The following ACAA1 variants were observed in gnomAD, a reference collection of about 807,000 sequenced individuals.
ACAA1 encodes 3-ketoacyl-CoA thiolase, peroxisomal.
ACAA1 carries 44 observed loss-of-function variants against 48.8 expected under a neutral mutation model. That is an observed-to-expected ratio of 0.90 (90% CI 0.71 to 1.16). The LOEUF (loss-of-function observed/expected upper bound fraction) is 1.16. Ranked by LOEUF, ACAA1 falls within the 50% of genes most tolerant of loss-of-function variation. The pLI is 0.00. For missense variants in ACAA1, 512 were observed against 562.3 expected, an observed-to-expected ratio of 0.91 and a Z score of 0.90; for synonymous variants, 233 against 226.5, an observed-to-expected ratio of 1.03 and a Z score of -0.26.
chr3:38,131,838 G>C (rs2125769282), intron 4 of ACAA1, 88 bp downstream of exon 4: 1 of 1,365,622 alleles, frequency 7.3e-7, no homozygotes, highest in South Asian at 1.2e-5. Flanking sequence ...CCTCAGAAAT[G>C]GTAATTATTG....
At chr3:38,133,813 A>G in intron 3 of ACAA1, 139 bp downstream of exon 3, 1 of 796,058 alleles carries the variant, frequency 1.3e-6, no homozygotes, top group Non-Finnish European at 2.1e-6. Flanking sequence ...AGTCCACAAG[A>G]GCAGGGAGCC....
chr3:38,130,800 C>T (rs772742816), intron 5 of ACAA1, among the ~76,000 whole-genome samples: 22 of 152,236 alleles, frequency 1.4e-4, no homozygotes, highest in Non-Finnish European at 2.5e-4. Context: ...GTCATTACAA[C>T]TCAGTGACAG....
chr3:38,137,037 G>A lies in ACAA1; in HGVS notation c.-2C>T, dbSNP rs776046000. The stretch of plus-strand genomic sequence containing the variant: ...CAGCACTACCTGCAGCCTCTGCATT[G>A]CGCAGGTCAACCCTGCAGACCAGCC... On this transcript the variant is annotated 5_prime_UTR_variant, in exon 1 of 12. Coordinates refer to ENST00000333167, the MANE Select transcript of ACAA1 (RefSeq NM_001607.4). 5 of 1,559,192 alleles carry A rather than the reference G, an allele frequency of 3.2e-6. No homozygotes were observed. Among genetic ancestry groups the A allele is most frequent in the African/African-American group, 1.4e-5 (1 of 72,180 alleles).
chr3:38,126,406 C>A lies in ACAA1; in HGVS notation c.818-65G>T, dbSNP rs1440174974. On this transcript the variant is annotated intron_variant, in intron 8 of 11. Transcript: ENST00000333167. This position sits in a 1 kb window ranked among gnomAD's most constrained non-coding sequence, Gnocchi z 4.7. ...GGATGAGGAGATCCCAGCCCTCCCACTTCTACTTTGCAGAGGGGCCTGGTC... is the reference window on the plus strand; with the variant it reads ...GGATGAGGAGATCCCAGCCCTCCCAATTCTACTTTGCAGAGGGGCCTGGTC... 2.5e-6 allele frequency: 4 copies of A among 1,605,232 alleles called. No homozygotes were observed. The highest frequency in any genetic ancestry group is 3.4e-5 in the Admixed American group (2 of 59,368).
In ACAA1 at chr3:38,126,756, GC is replaced by G. The variant is rs1295056500; in HGVS notation, c.627-57del. On this transcript the variant is annotated intron_variant, in intron 7 of 11. Coordinates refer to ENST00000333167, the MANE Select transcript of ACAA1 (RefSeq NM_001607.4). This position sits in a 1 kb window ranked among gnomAD's most constrained non-coding sequence, Gnocchi z 4.7. ...CTCCCTTGGGGTTCCCTTCCTCCCT[GC>G]CCCCAACCCCTATCCATTTGGGTAG... is the stretch of plus-strand genomic sequence containing the variant. 27 of 1,598,856 alleles carry G rather than the reference GC, an allele frequency of 1.7e-5. No homozygotes were observed. The highest frequency in any genetic ancestry group is 2.3e-5 in the Non-Finnish European group (27 of 1,171,048).
intron 2 of ACAA1, chr3:38,134,432 T>C: frequency 8.8e-6 from 4 of 452,128 alleles, no homozygotes; most frequent in South Asian, 4.8e-5. Context: ...CCATATCATA[T>C]TGCTGTATTT....
At chr3:38,128,042 T>G (rs544821279) in intron 6 of ACAA1, among the ~76,000 whole-genome samples, 176 bp from the exon 7 acceptor site, 206 of 152,270 alleles carry the variant, frequency 1.4e-3, no homozygotes, top group African/African-American at 4.3e-3. Flanking sequence ...CAGCCTGCCC[T>G]GAAAGTGGAT....
chr3:38,133,918 TG>T, intron 3 of ACAA1, 33 bp downstream of exon 3: 1 of 1,612,976 alleles, frequency 6.2e-7, no homozygotes, highest in Non-Finnish European at 8.5e-7. Flanking sequence ...AGTGTCAAAA[TG>T]GCCAACCCAT....
Position 38,137,015 on chromosome 3 carries a change from C to T in ACAA1, c.21G>A (p.Val7=). 1.3e-6 allele frequency: 2 copies of T among 1,567,276 alleles called. No individual in the cohort carries two copies. Among genetic ancestry groups the T allele is most frequent in the South Asian group, 1.2e-5 (1 of 85,296 alleles). The change falls in exon 1 of 12, where the codon GTG becomes GTA. Residue 7 remains valine (V), a synonymous_variant. Transcript: ENST00000333167. ...CGGCCGGACCCCTCAGGTGGCCCAG[C>T]ACTACCTGCAGCCTCTGCATTGCGC... MQRLQV[V]LGHLRGPADS...
At position 38,136,678 on chromosome 3, in the gene ACAA1, G is replaced by T; in HGVS notation, c.179C>A (p.Thr60Asn). 6.2e-7 allele frequency: 1 copy of T among 1,611,594 alleles called. No individual in the cohort carries two copies. The highest frequency in any genetic ancestry group is 2.2e-5 in the East Asian group (1 of 44,714). ...GACTGCCGAGAGAAGCTCGTCGGGG[G>T]TGGTGTCCTGCAGCAGAAAGAGCAG... ...RAGRGGFKDT[T>N]PDELLSAVMT... The change falls in exon 2 of 12, where the codon ACC (threonine) becomes AAC (asparagine). Residue 60 changes from threonine (T) to asparagine (N), a missense_variant. Thr to Asn is a moderately conservative substitution (Grantham distance 65). Transcript: ENST00000333167.
intron 11 of ACAA1, 31 bp downstream of exon 11, chr3:38,125,533 CT>C (rs760498589): frequency 1.4e-5 from 22 of 1,520,118 alleles, no homozygotes; most frequent in South Asian, 1.2e-4. Flanking sequence ...GGATATCCCC[CT>C]ATGACCCCAC....
At position 38,137,056 on chromosome 3, in the gene ACAA1, A is replaced by T. The variant is rs1407373374; in HGVS notation, c.-21T>A. 2 of 1,527,040 alleles carry T rather than the reference A, an allele frequency of 1.3e-6. No homozygotes were observed. The highest frequency in any genetic ancestry group is 1.8e-6 in the Non-Finnish European group (2 of 1,140,888). 94.6% of individuals were successfully genotyped at this position (1,527,040 alleles called of 1,614,324 possible). A position where few individuals can be genotyped will look rare whatever the true frequency, so the allele number is the denominator to read the frequency against. ...TGCATTGCGCAGGTCAACCCTGCAG[A>T]CCAGCCACCAGTCCGGGAACTGACC... On this transcript the variant is annotated 5_prime_UTR_variant, in exon 1 of 12. Transcript: ENST00000333167.
intron 6 of ACAA1, among the ~76,000 whole-genome samples, chr3:38,128,945 C>G (rs1700733266): frequency 6.6e-6 from 1 of 152,224 alleles, no homozygotes. Context: ...CCCTCACCAG[C>G]ATGTTCTGTC....
chr3:38,133,946 G>C lies in ACAA1; in HGVS notation c.323+6C>G. On this transcript the variant is annotated splice_donor_region_variant and intron_variant, in intron 3 of 11. Coordinates refer to ENST00000333167, the MANE Select transcript of ACAA1 (RefSeq NM_001607.4). ...CCAACCCATGGCTAGAACTAGAAAAGTTTACCTCAGAAACTGGGCGATTCG... is the reference window on the plus strand; with the variant it reads ...CCAACCCATGGCTAGAACTAGAAAACTTTACCTCAGAAACTGGGCGATTCG... The C allele has an allele frequency of 1.2e-6, 2 of 1,614,144 alleles. No homozygotes were observed.
intron 11 of ACAA1, chr3:38,123,622 G>A (rs146986613): frequency 2.5e-5 from 4 of 157,170 alleles, no homozygotes; most frequent in African/African-American, 9.6e-5. Flanking sequence ...AGGATCACTT[G>A]TGCCTAGGAG....
In ACAA1 at chr3:38,129,451, G is replaced by A. The variant is rs1224096760; in HGVS notation, c.447-63C>T. 25 of 1,323,956 alleles carry A rather than the reference G, an allele frequency of 1.9e-5. No individual in the cohort carries two copies. The highest frequency in any genetic ancestry group is 2.3e-5 in the Non-Finnish European group (21 of 926,746). 82.0% of individuals were successfully genotyped at this position (1,323,956 alleles called of 1,614,324 possible). ...TGGGCCCTAGCAGGACTCCTCCAGA[G>A]ATAGCTGAACACTTGGCAAGTGCTA... On this transcript the variant is annotated intron_variant, in intron 5 of 11. Coordinates refer to ENST00000333167, the MANE Select transcript of ACAA1 (RefSeq NM_001607.4). This position sits in a 1 kb window ranked among gnomAD's most constrained non-coding sequence, Gnocchi z 5.3.
intron 11 of ACAA1, chr3:38,124,124 G>A (rs1056724203): frequency 6.6e-6 from 1 of 152,146 alleles, no homozygotes. Context: ...ACAAATTTCT[G>A]CAAGCATAAA....
Position 38,125,648 on chromosome 3 carries a change from T to G in ACAA1, c.1116A>C (p.Ala372=). ...AGCCCAGTGGGTGCCCTAAGGCCAC[T>G]GCACCCCCCAGGGGGTTCACCTTCT... ...PPEKVNPLGG[A]VALGHPLGCT... is the part of the protein sequence containing the mutation. Residue 372 remains alanine, a synonymous_variant, in exon 11 of 12, where the codon GCA becomes GCC. Coordinates refer to ENST00000333167, the MANE Select transcript of ACAA1 (RefSeq NM_001607.4). 1 of 1,599,290 alleles carries G rather than the reference T, an allele frequency of 6.3e-7. No homozygotes were observed. Among genetic ancestry groups the G allele is most frequent in the South Asian group, 1.1e-5 (1 of 88,968 alleles).
intron 11 of ACAA1, chr3:38,124,132 A>G (rs576179384): frequency 6.6e-6 from 1 of 152,372 alleles, no homozygotes; most frequent in Non-Finnish European, 1.5e-5. Context: ...CTGCAAGCAT[A>G]AACACTCAGG....
Sources: gnomAD v4.1 joint callset for allele counts (sites outside exome capture counted in the v4.1 genomes callset) on GRCh38, gnomAD v4.1.1 for gene constraint, Gnocchi (gnomAD v3.1) non-coding constraint, MANE v1.5 for transcripts, NCBI Gene and HGNC (gene_info 2026-07-23, HGNC 2026-07-21) for gene names.